The following KAT7 variants were observed in gnomAD, a reference collection of about 807,000 sequenced individuals.
KAT7 encodes lysine acetyltransferase 7.
KAT7 carries 10 observed loss-of-function variants against 82.1 expected under a neutral mutation model. That is an observed-to-expected ratio of 0.12 (90% CI 0.08 to 0.21). The LOEUF is 0.21. Among genes scored for constraint, KAT7 ranks in the 10% least tolerant of loss-of-function variants. The pLI, the probability that KAT7 is intolerant of heterozygous loss-of-function variation, is 1.00. For synonymous variants in KAT7, 250 were observed against 262.5 expected, an observed-to-expected ratio of 0.95 and a Z score of 0.46; for missense variants, 378 against 760.9, an observed-to-expected ratio of 0.50 and a Z score of 5.92.
chr17:49,817,089 C>T (rs1030312006), intron 8 of KAT7, among the ~76,000 whole-genome samples: 17 of 151,882 alleles, frequency 1.1e-4, no homozygotes, highest in African/African-American at 3.9e-4. Context: ...ATATATTTCA[C>T]GGAGATTCAT....
In KAT7 at chr17:49,834,742, C is replaced by T. The variant is rs1035397771; in HGVS notation, c.*7240C>T. ...TCTGTGGTCAAATAAATTTGGAAAA[C>T]ACAGAGTGTTTCCAAAGTTAGTATC... is the stretch of plus-strand genomic sequence containing the variant. On this transcript the variant is annotated 3_prime_UTR_variant, in exon 15 of 15. Coordinates refer to ENST00000259021, the MANE Select transcript of KAT7 (RefSeq NM_007067.5). 1.3e-5 allele frequency: 2 copies of T among 152,164 alleles called. No homozygotes were observed. Among genetic ancestry groups the T allele is most frequent in the Non-Finnish European group, 2.9e-5 (2 of 68,032 alleles). 9.4% of individuals were successfully genotyped at this position (152,164 alleles called of 1,614,324 possible).
chr17:49,803,416 AATTT>A (rs1429154353), intron 4 of KAT7, among the ~76,000 whole-genome samples: 3 of 149,114 alleles, frequency 2.0e-5, no homozygotes, highest in East Asian at 4.0e-4. Context: ...GCATTTTTAA[AATTT>A]ATTTATTTTA....
intron 5 of KAT7, among the ~76,000 whole-genome samples, chr17:49,806,870 A>T (rs531250377): frequency 6.6e-6 from 1 of 152,218 alleles, no homozygotes; most frequent in Admixed American, 6.5e-5. Context: ...AGAATAATCC[A>T]TCTTTACTAC....
chr17:49,816,191 C>T (rs1207023911), intron 8 of KAT7, among the ~76,000 whole-genome samples: 1 of 152,224 alleles, frequency 6.6e-6, no homozygotes, highest in South Asian at 2.1e-4. Flanking sequence ...AAACCATAGG[C>T]GCCCCTTTGT....
At chr17:49,790,797 T>C (rs2073877834) in intron 1 of KAT7, among the ~76,000 whole-genome samples, 1 of 152,214 alleles carries the variant, frequency 6.6e-6, no homozygotes, top group South Asian at 2.1e-4. Context: ...CCAAAACAAT[T>C]ACAAATTCTA....
chr17:49,824,342 C>T (rs1328257263), intron 12 of KAT7: 3 of 152,148 alleles, frequency 2.0e-5, no homozygotes, highest in Non-Finnish European at 2.9e-5. Context: ...TAGAATTAGC[C>T]TTCCAAGCCT....
intron 2 of KAT7, among the ~76,000 whole-genome samples, chr17:49,793,185 CAAG>C (rs1338198327): frequency 6.6e-6 from 1 of 152,180 alleles, no homozygotes; most frequent in Admixed American, 6.5e-5. Context: ...CATTACAAGT[CAAG>C]GAGCATCTGT....
chr17:49,797,649 G>A (rs1299977229), intron 3 of KAT7, among the ~76,000 whole-genome samples: 1 of 152,188 alleles, frequency 6.6e-6, no homozygotes, highest in African/African-American at 2.4e-5. Context: ...TTTGTTGCTA[G>A]TATTTGAAAA....
At chr17:49,807,709 A>C (rs1191494696) in intron 5 of KAT7, among the ~76,000 whole-genome samples, 4 of 152,212 alleles carry the variant, frequency 2.6e-5, no homozygotes, top group Non-Finnish European at 5.9e-5. Context: ...AAGTTCAGGC[A>C]GTAGTTGGTG....
chr17:49,826,360 T>C, intron 13 of KAT7: 1 of 523,740 alleles, frequency 1.9e-6, no homozygotes, highest in South Asian at 2.8e-5. Context: ...ACTTTAATTC[T>C]TATAAAAGTC....
Position 49,796,970 on chromosome 17 carries a change from G to C in KAT7, c.340+44G>C, listed in dbSNP as rs1362360375. ...ACTTAGACCTATTACAGAGCATCTG[G>C]GTGAAATTCTTTTTAAGGAGGGCTT... On this transcript the variant is annotated intron_variant, in intron 3 of 14. Coordinates refer to ENST00000259021, the MANE Select transcript of KAT7 (RefSeq NM_007067.5). 1.9e-6 allele frequency: 3 copies of C among 1,561,072 alleles called. No individual in the cohort carries two copies. In the African/African-American group the frequency reaches 4.1e-5, roughly 21 times the overall value.
intron 8 of KAT7, 58 bp downstream of exon 8, chr17:49,815,971 G>C (rs1204697960): frequency 2.0e-6 from 2 of 994,028 alleles, no homozygotes; most frequent in African/African-American, 3.2e-5. Context: ...AGAGTTGCCA[G>C]GAAAAATGAT....
Position 49,828,456 on chromosome 17 carries a change from T to A in KAT7, c.*954T>A, listed in dbSNP as rs1598094597. 1 of 152,512 alleles carries A rather than the reference T, an allele frequency of 6.6e-6. No individual in the cohort carries two copies. The highest frequency in any genetic ancestry group is 3.4e-3 in the Middle Eastern group (1 of 294). The allele number at this position is 152,512 out of a possible 1,614,324, so 9.4% of individuals were successfully genotyped here. Reference sequence around the variant, plus strand: ...CCATATACCTTGCACTGATTTTGTCTGAGTGCCCTGGGAGAAGTAGAAAAT... The same window carrying A: ...CCATATACCTTGCACTGATTTTGTCAGAGTGCCCTGGGAGAAGTAGAAAAT... On this transcript the variant is annotated 3_prime_UTR_variant, in exon 15 of 15. Transcript: ENST00000259021.
At chr17:49,823,073 C>G (rs2074326064) in intron 11 of KAT7, 129 bp from the exon 12 acceptor site, 1 of 624,146 alleles carries the variant, frequency 1.6e-6, no homozygotes, top group Non-Finnish European at 2.9e-6. Flanking sequence ...AGCTGTGAGC[C>G]TGGCAGCCAC....
Position 49,821,918 on chromosome 17 carries a change from TAAA to T in KAT7, c.1386+140_1386+142del, listed in dbSNP as rs373603649. 3,007 of 630,790 alleles carry T rather than the reference TAAA, an allele frequency of 4.8e-3. 4 individuals are homozygous for T. Among genetic ancestry groups the T allele is most frequent in the Non-Finnish European group, 6.2e-3 (2,350 of 377,938 alleles). 39.1% of individuals were successfully genotyped at this position (630,790 alleles called of 1,614,324 possible). A position where few individuals can be genotyped will look rare whatever the true frequency, so the allele number is the denominator to read the frequency against. On this transcript the variant is annotated intron_variant, in intron 11 of 14. Coordinates refer to ENST00000259021, the MANE Select transcript of KAT7 (RefSeq NM_007067.5). ...CAATGATGACACCCCTTCCTTAAAT[TAAA>T]AAAAAAAAAAAGGCAAACCCATGTA...
intron 2 of KAT7, among the ~76,000 whole-genome samples, chr17:49,793,014 T>C (rs753710875): frequency 4.6e-5 from 7 of 152,172 alleles, no homozygotes; most frequent in Non-Finnish European, 8.8e-5. Flanking sequence ...GGTCTTATTA[T>C]GTTGTCTAGG....
intron 12 of KAT7, chr17:49,823,585 T>G (rs1264383571): frequency 2.1e-5 from 6 of 288,588 alleles, no homozygotes; most frequent in African/African-American, 1.3e-4. Context: ...CATACATGCA[T>G]GAGGCTTAAA....
intron 5 of KAT7, among the ~76,000 whole-genome samples, chr17:49,806,436 A>C (rs1396718266): frequency 2.0e-5 from 3 of 152,216 alleles, no homozygotes; most frequent in African/African-American, 7.2e-5. Context: ...TCATTTTATA[A>C]GTGGCAATTC....
In KAT7 at chr17:49,791,875, T is replaced by C; in HGVS notation, c.16-11T>C. ...GCTTCTGTGCTAATATCTGGATCTA[T>C]GGTATTACAGAGGAATGCAGGCAGT... On this transcript the variant is annotated splice_polypyrimidine_tract_variant and intron_variant, in intron 1 of 14. Coordinates refer to ENST00000259021, the MANE Select transcript of KAT7 (RefSeq NM_007067.5). 3.1e-6 allele frequency: 5 copies of C among 1,613,548 alleles called. No individual in the cohort carries two copies. Among genetic ancestry groups the C allele is most frequent in the Non-Finnish European group, 3.4e-6 (4 of 1,179,476 alleles).
Sources: gnomAD v4.1 joint callset for allele counts (sites outside exome capture counted in the v4.1 genomes callset) on GRCh38, gnomAD v4.1.1 for gene constraint, MANE v1.5 for transcripts, NCBI Gene and HGNC (gene_info 2026-07-23, HGNC 2026-07-21) for gene names.